The following MAPKAP1 variants were observed in gnomAD, a reference collection of about 807,000 sequenced individuals.
The protein encoded by MAPKAP1 is target of rapamycin complex 2 subunit MAPKAP1.
A neutral mutation model predicts 65.7 loss-of-function variants in MAPKAP1; 20 were observed. That is an observed-to-expected ratio of 0.30 (90% CI 0.21 to 0.44). The LOEUF is 0.44. Ranked by LOEUF, MAPKAP1 falls within the 20% of genes least tolerant of loss-of-function variation. The pLI is 1.00. For missense variants in MAPKAP1, 423 were observed against 648.0 expected (o/e 0.65, Z 3.77); for synonymous variants, 222 against 244.3 (o/e 0.91, Z 0.85).
chr9:125,618,649 T>C (rs866232806), intron 4 of MAPKAP1, among the ~76,000 whole-genome samples: 17 of 152,306 alleles, frequency 1.1e-4, no homozygotes, highest in South Asian at 1.0e-3. Context: ...AAAAGACCTA[T>C]AGTCACTCAA....
At chr9:125,444,648 CG>C in intron 10 of MAPKAP1, 50 bp from the exon 11 acceptor site, 1 of 1,307,232 alleles carries the variant, frequency 7.6e-7, no homozygotes, top group African/African-American at 1.5e-5. Flanking sequence ...TTAACTATGG[CG>C]GGGGCCTCCA....
At chr9:125,584,791 A>G (rs772004940) in intron 5 of MAPKAP1, among the ~76,000 whole-genome samples, 7 of 152,192 alleles carry the variant, frequency 4.6e-5, no homozygotes, top group Non-Finnish European at 7.3e-5. Flanking sequence ...CTACTGCTGG[A>G]AAGAACATGT....
intron 7 of MAPKAP1, among the ~76,000 whole-genome samples, chr9:125,509,712 A>G (rs552716847): frequency 2.0e-5 from 3 of 152,150 alleles, no homozygotes; most frequent in Non-Finnish European, 4.4e-5. Flanking sequence ...ATTATATATA[A>G]GCTACCACTT....
At chr9:125,650,324 C>T (rs544043014) in intron 4 of MAPKAP1, 1 of 152,208 alleles carries the variant, frequency 6.6e-6, no homozygotes, top group Admixed American at 6.5e-5. Flanking sequence ...AAGGCTTCCC[C>T]GTGCCATGAG....
intron 1 of MAPKAP1, among the ~76,000 whole-genome samples, chr9:125,697,835 T>C (rs1835430874): frequency 6.6e-6 from 1 of 152,180 alleles, no homozygotes; most frequent in South Asian, 2.1e-4. Context: ...CTTACCATCT[T>C]ACCACCAATC....
At chr9:125,449,221 A>G (rs1238044353) in intron 10 of MAPKAP1, among the ~76,000 whole-genome samples, 2 of 152,154 alleles carry the variant, frequency 1.3e-5, no homozygotes, top group African/African-American at 4.8e-5. Flanking sequence ...GCCATGTTTC[A>G]GCTGTGGGAC....
rs35093957 is a variant in MAPKAP1 at position 125,693,658 on chromosome 9, TACAC to T, written c.-70+13309_-70+13312del. Among the ~76,000 whole-genome samples the T allele has an allele frequency of 1.6e-4, 22 of 139,990 alleles. No individual in the cohort carries two copies. In the East Asian group the frequency reaches 1.6e-3, roughly 10 times the overall value. 91.8% of individuals were successfully genotyped at this position (139,990 alleles called of 152,430 possible). ...ATACACACACATATACACGTATACA[TACAC>T]ACACATATACACGTATATATACACG... On this transcript the variant is annotated intron_variant, in intron 1 of 11. Coordinates refer to ENST00000265960, the MANE Select transcript of MAPKAP1 (RefSeq NM_001006617.3).
At chr9:125,611,929 G>A (rs1832611617) in intron 4 of MAPKAP1, among the ~76,000 whole-genome samples, 1 of 152,162 alleles carries the variant, frequency 6.6e-6, no homozygotes, top group Non-Finnish European at 1.5e-5. Flanking sequence ...AATTTTAACA[G>A]ATTTACAGAT....
At position 125,439,042 on chromosome 9, in the gene MAPKAP1, C is replaced by T. The variant is rs1219034953; in HGVS notation, c.1444-30G>A. 1 of 1,608,848 alleles carries T rather than the reference C, an allele frequency of 6.2e-7. No homozygotes were observed. Among genetic ancestry groups the T allele is most frequent in the South Asian group, 1.1e-5 (1 of 90,484 alleles). On this transcript the variant is annotated intron_variant, in intron 11 of 11. Transcript: ENST00000265960. The surrounding 1 kb of genome is among the most constrained non-coding windows in gnomAD (Gnocchi z 4.0). Reference sequence around the variant, plus strand: ...AAACAAGAGCACACAGCCCGGTCACCTTGCCAGCCGCTCCCTACCCACCCA... The same window carrying T: ...AAACAAGAGCACACAGCCCGGTCACTTTGCCAGCCGCTCCCTACCCACCCA...
At chr9:125,536,839 A>G (rs1456888455) in intron 7 of MAPKAP1, among the ~76,000 whole-genome samples, 2 of 152,240 alleles carry the variant, frequency 1.3e-5, no homozygotes, top group Non-Finnish European at 2.9e-5. Flanking sequence ...CATCTAAAAT[A>G]TATATGGGTT....
chr9:125,451,491 T>C (rs369308170), intron 10 of MAPKAP1, among the ~76,000 whole-genome samples: 10 of 152,308 alleles, frequency 6.6e-5, no homozygotes, highest in African/African-American at 1.9e-4. Flanking sequence ...CTGAAGCAGC[T>C]ATGTGGCCTA....
chr9:125,516,115 G>A (rs1314156473), intron 7 of MAPKAP1, among the ~76,000 whole-genome samples: 7 of 152,122 alleles, frequency 4.6e-5, no homozygotes, highest in East Asian at 3.8e-4. Flanking sequence ...CAGCAGTGCC[G>A]CACTGACCTG....
intron 5 of MAPKAP1, among the ~76,000 whole-genome samples, chr9:125,564,218 C>A (rs1373420949): frequency 6.6e-6 from 1 of 152,108 alleles, no homozygotes; most frequent in East Asian, 1.9e-4. Flanking sequence ...TATAGTCCAT[C>A]AAGATATGAA....
chr9:125,446,208 T>C (rs571675881), intron 10 of MAPKAP1, among the ~76,000 whole-genome samples: 1 of 152,300 alleles, frequency 6.6e-6, no homozygotes, highest in African/African-American at 2.4e-5. Context: ...TGTTGTACAT[T>C]TGTGGCCAGA....
At chr9:125,559,906 C>A in intron 5 of MAPKAP1, 97 bp from the exon 6 acceptor site, 2 of 1,199,954 alleles carry the variant, frequency 1.7e-6, no homozygotes, top group Non-Finnish European at 2.3e-6. Context: ...GAGGAGACTG[C>A]TTTTCTTTAC....
intron 5 of MAPKAP1, among the ~76,000 whole-genome samples, chr9:125,575,532 T>A (rs1170838940): frequency 2.6e-5 from 4 of 152,188 alleles, no homozygotes; most frequent in Admixed American, 6.5e-5. Flanking sequence ...TAATGTATAG[T>A]GGCCATTAAA....
intron 5 of MAPKAP1, 98 bp from the exon 6 acceptor site, chr9:125,559,907 T>A: frequency 8.3e-7 from 1 of 1,201,688 alleles, no homozygotes. Context: ...AGGAGACTGC[T>A]TTTCTTTACC....
At position 125,693,708 on chromosome 9, in the gene MAPKAP1, C is replaced by CGTATATAT. The variant is rs1835276129; in HGVS notation, c.-70+13262_-70+13263insATATATAC. ...ACACGTATATATACACGTATATATA[C>CGTATATAT]ACATATATACACGTATATACACATA... is the stretch of plus-strand genomic sequence containing the variant. On this transcript the variant is annotated intron_variant, in intron 1 of 11. Transcript: ENST00000265960. Among the ~76,000 whole-genome samples, 2 of 125,736 alleles carry CGTATATAT rather than the reference C, an allele frequency of 1.6e-5. 1 individual carries two copies. The highest frequency in any genetic ancestry group is 5.6e-5 in the African/African-American group (2 of 35,992). The allele number at this position is 125,736 out of a possible 152,430, so 82.5% of individuals were successfully genotyped here. A position where few individuals can be genotyped will look rare whatever the true frequency, so the allele number is the denominator to read the frequency against.
At chr9:125,657,517 G>GT in intron 4 of MAPKAP1, 134 bp downstream of exon 4, 1 of 788,712 alleles carries the variant, frequency 1.3e-6, no homozygotes. Flanking sequence ...CTTAGAAAAT[G>GT]TAAGTGACAT....
Sources: gnomAD v4.1 joint callset for allele counts (sites outside exome capture counted in the v4.1 genomes callset) on GRCh38, gnomAD v4.1.1 for gene constraint, Gnocchi (gnomAD v3.1) non-coding constraint, MANE v1.5 for transcripts, NCBI Gene and HGNC (gene_info 2026-07-23, HGNC 2026-07-21) for gene names.